RASAL2: variants seen among roughly 807,000 people sequenced by gnomAD.
RASAL2 encodes ras GTPase-activating protein nGAP.
Under a neutral mutation model 128.9 loss-of-function variants are expected in RASAL2, and 58 were observed. The observed-to-expected ratio is 0.45, with a 90% confidence interval of 0.36 to 0.56. RASAL2 has a LOEUF of 0.56. Ranked by LOEUF, RASAL2 falls within the 20% of genes least tolerant of loss-of-function variation. The pLI is 0.00. For missense variants in RASAL2, 1,360 were observed against 1,601.6 expected (o/e 0.85, Z 2.57); for synonymous variants, 561 against 580.8 (o/e 0.97, Z 0.49).
intron 9 of RASAL2, among the ~76,000 whole-genome samples, chr1:178,448,522 G>A (rs903881951): frequency 7.9e-5 from 12 of 151,952 alleles, no homozygotes; most frequent in Non-Finnish European, 1.5e-4. Context: ...TAATCATATA[G>A]ACATTAAGAA....
chr1:178,319,162 C>A (rs552441298), intron 3 of RASAL2, among the ~76,000 whole-genome samples: 9 of 152,222 alleles, frequency 5.9e-5, no homozygotes, highest in South Asian at 2.1e-4. Flanking sequence ...CCGAGAGATC[C>A]GCTGTTAGTC....
intron 1 of RASAL2, among the ~76,000 whole-genome samples, chr1:178,259,500 C>A (rs1665554935): frequency 6.6e-6 from 1 of 152,146 alleles, no homozygotes; most frequent in Non-Finnish European, 1.5e-5. Context: ...CTTTAAATGG[C>A]TAAATTATGT....
chr1:178,309,709 G>A (rs762702972), intron 3 of RASAL2, among the ~76,000 whole-genome samples: 6 of 152,018 alleles, frequency 3.9e-5, no homozygotes, highest in Non-Finnish European at 8.8e-5. Context: ...GTGGTTAGGG[G>A]CACTACTCTC....
At chr1:178,216,245 A>C (rs186798061) in intron 1 of RASAL2, among the ~76,000 whole-genome samples, 2 of 152,348 alleles carry the variant, frequency 1.3e-5, no homozygotes, top group African/African-American at 2.4e-5. Context: ...TATAAATCAG[A>C]TATGAAAATC....
chr1:178,418,701 A>G (rs956040954), intron 4 of RASAL2, among the ~76,000 whole-genome samples: 1 of 152,194 alleles, frequency 6.6e-6, no homozygotes, highest in Non-Finnish European at 1.5e-5. Flanking sequence ...GGCAGTCTAT[A>G]CTGTTGTTCA....
At chr1:178,358,697 T>C (rs1232877934) in intron 3 of RASAL2, among the ~76,000 whole-genome samples, 1 of 152,204 alleles carries the variant, frequency 6.6e-6, no homozygotes, top group Non-Finnish European at 1.5e-5. Flanking sequence ...GGATTTCATA[T>C]ATCCTGCTGG....
At chr1:178,110,637 C>CATACATATATATATATATATATATAT (rs1553250962) in intron 1 of RASAL2, among the ~76,000 whole-genome samples, 2 of 15,646 alleles carry the variant, frequency 1.3e-4, no homozygotes, top group African/African-American at 2.2e-4. Context: ...ATAGTGTATA[C>CATACATATATATATATATATATATAT]ATATATATAT....
At chr1:178,196,892 C>T (rs983345646) in intron 1 of RASAL2, among the ~76,000 whole-genome samples, 2 of 152,226 alleles carry the variant, frequency 1.3e-5, no homozygotes, top group African/African-American at 4.8e-5. Context: ...TATATACCAT[C>T]TGATGACTAA....
chr1:178,254,074 C>T (rs1665195411), intron 1 of RASAL2, among the ~76,000 whole-genome samples: 1 of 152,212 alleles, frequency 6.6e-6, no homozygotes, highest in South Asian at 2.1e-4. Flanking sequence ...AGCCATTCGT[C>T]TCCATCATAT....
intron 3 of RASAL2, among the ~76,000 whole-genome samples, chr1:178,311,029 C>G (rs1557893232): frequency 6.6e-6 from 1 of 152,162 alleles, no homozygotes; most frequent in East Asian, 1.9e-4. Flanking sequence ...AGGCCAAGTT[C>G]TTAGGAAACC....
chr1:178,207,710 AT>A (rs1663104939), intron 1 of RASAL2, among the ~76,000 whole-genome samples: 1 of 152,238 alleles, frequency 6.6e-6, no homozygotes, highest in Admixed American at 6.5e-5. Flanking sequence ...ACAGCTTATA[AT>A]AAAAAACAGT....
chr1:178,337,321 T>C (rs573604981), intron 3 of RASAL2, among the ~76,000 whole-genome samples: 1 of 152,372 alleles, frequency 6.6e-6, no homozygotes, highest in Admixed American at 6.5e-5. Flanking sequence ...CTGTGTATTG[T>C]GCTGGCATCC....
rs16852807 is a variant in RASAL2 at position 178,439,645 on chromosome 1, C to A, written c.828+70C>A. 550 of 1,465,194 alleles carry A rather than the reference C, an allele frequency of 3.8e-4. 6 individuals carry two copies. In the East Asian group the frequency reaches 0.012, roughly 32 times the overall value. The allele number at this position is 1,465,194 out of a possible 1,614,324, so 90.8% of individuals were successfully genotyped here. A position where few individuals can be genotyped will look rare whatever the true frequency, so the allele number is the denominator to read the frequency against. The stretch of plus-strand genomic sequence containing the variant: ...TTGGATTTTATGTCCAGTAATTTTG[C>A]GATTTCATTGCTGTACAGTTGATGA... On this transcript the variant is annotated intron_variant, in intron 6 of 17. Transcript: ENST00000367649.
At chr1:178,106,547 A>G (rs1659097099) in intron 1 of RASAL2, among the ~76,000 whole-genome samples, 1 of 152,232 alleles carries the variant, frequency 6.6e-6, no homozygotes, top group African/African-American at 2.4e-5. Flanking sequence ...GTAACGAAAG[A>G]TATGTTGTAA....
intron 1 of RASAL2, among the ~76,000 whole-genome samples, chr1:178,165,182 G>T (rs1661478442): frequency 6.6e-6 from 1 of 151,740 alleles, no homozygotes; most frequent in African/African-American, 2.4e-5. Context: ...TGTACGTGCA[G>T]GTGTATACAT....
At chr1:178,457,548 A>G (rs1016309235) in intron 13 of RASAL2, 135 bp from the exon 14 acceptor site, 3 of 914,288 alleles carry the variant, frequency 3.3e-6, no homozygotes, top group Admixed American at 5.6e-5. Context: ...CCCTAATTAG[A>G]TAAAATCTGA....
chr1:178,475,559 G>C lies in RASAL2; in HGVS notation c.*2320G>C, dbSNP rs1648612636. 2.0e-5 allele frequency: 3 copies of C among 152,158 alleles called. No individual in the cohort carries two copies. The highest frequency in any genetic ancestry group is 1.3e-4 in the Admixed American group (2 of 15,286). 9.4% of individuals were successfully genotyped at this position (152,158 alleles called of 1,614,324 possible). A position where few individuals can be genotyped will look rare whatever the true frequency, so the allele number is the denominator to read the frequency against. ...TCATTGGCCATAAGTATGTAATGTG[G>C]GTGATGTCTTGCCATTGAGGTTTGG... On this transcript the variant is annotated 3_prime_UTR_variant, in exon 18 of 18. Coordinates refer to ENST00000367649, the MANE Select transcript of RASAL2 (RefSeq NM_170692.4).
At chr1:178,426,344 A>G (rs1439271220) in intron 5 of RASAL2, among the ~76,000 whole-genome samples, 3 of 152,136 alleles carry the variant, frequency 2.0e-5, no homozygotes, top group Non-Finnish European at 4.4e-5. Context: ...ACATGTTGCA[A>G]TGTGTATGCA....
intron 3 of RASAL2, chr1:178,341,443 T>G (rs1669873268): frequency 6.8e-7 from 1 of 1,466,360 alleles, no homozygotes; most frequent in Admixed American, 2.5e-5. Context: ...TGGCTCTGGC[T>G]TTTCTGCATT....
Sources: allele counts gnomAD v4.1 joint callset (sites outside exome capture counted in the v4.1 genomes callset), GRCh38; gene constraint gnomAD v4.1.1; transcripts MANE v1.5; gene names NCBI Gene and HGNC (gene_info 2026-07-23, HGNC 2026-07-21).